Variants in CYTH3 observed in about 807,000 individuals in gnomAD.
The protein encoded by CYTH3 is cytohesin-3.
A neutral mutation model predicts 55.1 loss-of-function variants in CYTH3; 23 were observed. The observed-to-expected ratio is 0.42, with a 90% CI of 0.30 to 0.59. The LOEUF (loss-of-function observed/expected upper bound fraction) is 0.59. Among genes scored for constraint, CYTH3 ranks in the 20% least tolerant of loss-of-function variants. The pLI is 0.20. For synonymous variants in CYTH3, 249 were observed against 194.9 expected (o/e 1.28, Z -2.31); for missense variants, 413 against 524.8 (o/e 0.79, Z 2.08).
intron 1 of CYTH3, among the ~76,000 whole-genome samples, chr7:6,227,158 G>C (rs1473752274): frequency 2.0e-5 from 3 of 150,530 alleles, no homozygotes; most frequent in Admixed American, 1.3e-4. Flanking sequence ...TGATAGAAGA[G>C]GCTTTTTAAA....
At chr7:6,260,345 G>T (rs1314198144) in intron 1 of CYTH3, among the ~76,000 whole-genome samples, 4 of 152,040 alleles carry the variant, frequency 2.6e-5, no homozygotes, top group Admixed American at 2.6e-4. Flanking sequence ...ATTCTAACAT[G>T]CCTGATAGAA....
intron 4 of CYTH3, among the ~76,000 whole-genome samples, chr7:6,182,728 T>C (rs1783535536): frequency 6.6e-6 from 1 of 152,210 alleles, no homozygotes; most frequent in Non-Finnish European, 1.5e-5. Context: ...TAGGCTGGTT[T>C]TGAACTCCTG....
At chr7:6,206,905 T>C (rs1330926382) in intron 1 of CYTH3, among the ~76,000 whole-genome samples, 1 of 152,094 alleles carries the variant, frequency 6.6e-6, no homozygotes, top group Admixed American at 6.6e-5. Context: ...GGGAGACGAT[T>C]TTTTTCGTTT....
chr7:6,209,420 A>G (rs1784273386), intron 1 of CYTH3, among the ~76,000 whole-genome samples: 1 of 152,252 alleles, frequency 6.6e-6, no homozygotes, highest in Non-Finnish European at 1.5e-5. Context: ...AAAACAGAGT[A>G]AAATAAACAA....
intron 1 of CYTH3, 30 bp downstream of exon 1, chr7:6,272,444 C>T: frequency 2.2e-6 from 3 of 1,334,276 alleles, no homozygotes; most frequent in Non-Finnish European, 2.9e-6. Flanking sequence ...CCCAGGCCGC[C>T]GGCGAGCCCA....
intron 2 of CYTH3, among the ~76,000 whole-genome samples, chr7:6,190,113 G>C (rs1334991687): frequency 6.6e-6 from 1 of 152,158 alleles, no homozygotes; most frequent in African/African-American, 2.4e-5. Flanking sequence ...ATTTGACAGA[G>C]CAATGCGCTC....
intron 1 of CYTH3, among the ~76,000 whole-genome samples, chr7:6,213,961 C>A (rs1479333579): frequency 6.6e-6 from 1 of 152,134 alleles, no homozygotes; most frequent in Non-Finnish European, 1.5e-5. Flanking sequence ...TAGGAAGGCT[C>A]ATGGAGTGCA....
chr7:6,213,819 G>A (rs191131174), intron 1 of CYTH3, among the ~76,000 whole-genome samples: 10 of 152,090 alleles, frequency 6.6e-5, no homozygotes, highest in Non-Finnish European at 1.2e-4. Flanking sequence ...CATCACAGGG[G>A]CCCAGCCCAG....
intron 1 of CYTH3, 64 bp downstream of exon 1, chr7:6,272,410 G>GGGGGGGGGGGCCCCCCC: frequency 5.8e-6 from 7 of 1,216,604 alleles, no homozygotes; most frequent in South Asian, 2.0e-5. Flanking sequence ...CCGCGCCCTC[G>GGGGGGGGGGGCCCCCCC]ACCCCCAGCC....
chr7:6,201,458 T>C (rs991631994), intron 1 of CYTH3, among the ~76,000 whole-genome samples: 2 of 152,244 alleles, frequency 1.3e-5, no homozygotes, highest in Non-Finnish European at 2.9e-5. Context: ...TACCCAGCCT[T>C]CTTTGGATTA....
At chr7:6,226,127 A>T (rs1275134750) in intron 1 of CYTH3, among the ~76,000 whole-genome samples, 10 of 152,174 alleles carry the variant, frequency 6.6e-5, no homozygotes, top group Admixed American at 3.9e-4. Context: ...TGTGTTTTTT[A>T]AAAAAATTAA....
intron 1 of CYTH3, among the ~76,000 whole-genome samples, chr7:6,260,860 A>C (rs945665686): frequency 1.3e-5 from 2 of 152,136 alleles, no homozygotes; most frequent in Admixed American, 6.6e-5. Context: ...TCTCCTACCC[A>C]AATTAGTCTT....
intron 1 of CYTH3, among the ~76,000 whole-genome samples, chr7:6,192,249 C>G (rs1210849682): frequency 6.6e-6 from 1 of 152,174 alleles, no homozygotes; most frequent in East Asian, 1.9e-4. Flanking sequence ...GGATCTCACT[C>G]TGCTGGCCAG....
Position 6,173,636 on chromosome 7 carries a change from C to CAA in CYTH3, c.449+15_449+16dup. On this transcript the variant is annotated intron_variant, in intron 6 of 12. Coordinates refer to ENST00000350796, the MANE Select transcript of CYTH3 (RefSeq NM_004227.4). ...CCTTCCCCATCCACTCTACACCCAG[C>CAA]AAATGATCATACTTACCTTAAGGCT... 2 of 1,576,720 alleles carry CAA rather than the reference C, an allele frequency of 1.3e-6. No individual in the cohort carries two copies. The highest frequency in any genetic ancestry group is 3.3e-5 in the Admixed American group (2 of 59,942).
chr7:6,219,511 A>G (rs2128551069), intron 1 of CYTH3, among the ~76,000 whole-genome samples: 1 of 152,338 alleles, frequency 6.6e-6, no homozygotes, highest in South Asian at 2.1e-4. Context: ...TTTTGCTAGT[A>G]TGCTGGAAGA....
chr7:6,169,369 C>A lies in CYTH3; in HGVS notation c.823+1166G>T, dbSNP rs150325583. On this transcript the variant is annotated intron_variant, in intron 9 of 12. Coordinates refer to ENST00000350796, the MANE Select transcript of CYTH3 (RefSeq NM_004227.4). This position sits in a 1 kb window ranked among gnomAD's most constrained non-coding sequence, Gnocchi z 4.1. The stretch of plus-strand genomic sequence containing the variant: ...CCTAGTAGCTGGGACTACAGGCACA[C>A]ACCATCACGCCAGGCTAATTTTTTG... Among the ~76,000 whole-genome samples the A allele has an allele frequency of 4.3e-3, 662 of 152,238 alleles. 9 individuals carry two copies. The highest frequency in any genetic ancestry group is 0.015 in the African/African-American group (604 of 41,550).
At chr7:6,206,802 G>A (rs1784198027) in intron 1 of CYTH3, among the ~76,000 whole-genome samples, 1 of 152,108 alleles carries the variant, frequency 6.6e-6, no homozygotes, top group South Asian at 2.1e-4. Flanking sequence ...GAGTCAGGTG[G>A]CCTCACTGCC....
Position 6,169,362 on chromosome 7 carries a change from A to C in CYTH3, c.823+1173T>G, listed in dbSNP as rs1264130405. On this transcript the variant is annotated intron_variant, in intron 9 of 12. Coordinates refer to ENST00000350796, the MANE Select transcript of CYTH3 (RefSeq NM_004227.4). The surrounding 1 kb of genome is among the most constrained non-coding windows in gnomAD (Gnocchi z 4.1). ...CAGCCTCCCTAGTAGCTGGGACTAC[A>C]GGCACACACCATCACGCCAGGCTAA... 6.6e-6 allele frequency among the ~76,000 whole-genome samples: 1 copy of C among 152,134 alleles called. No individual in the cohort carries two copies. The highest frequency in any genetic ancestry group is 2.4e-5 in the African/African-American group (1 of 41,432).
At position 6,162,782 on chromosome 7, in the gene CYTH3, T is replaced by C. The variant is rs3750065; in HGVS notation, c.*2162A>G. ...CATCTGGCGACTCCTTCCTGCTGCTTCTCCCAACACCCAAAACAGAAAGCT... is the reference window on the plus strand; with the variant it reads ...CATCTGGCGACTCCTTCCTGCTGCTCCTCCCAACACCCAAAACAGAAAGCT... On this transcript the variant is annotated 3_prime_UTR_variant, in exon 13 of 13. Coordinates refer to ENST00000350796, the MANE Select transcript of CYTH3 (RefSeq NM_004227.4). 11,067 of 152,500 alleles carry C rather than the reference T, an allele frequency of 0.073. 921 individuals are homozygous for C. Among genetic ancestry groups the C allele is most frequent in the East Asian group, 0.4 (2,074 of 5,166 alleles). 9.4% of individuals were successfully genotyped at this position (152,500 alleles called of 1,614,324 possible). A position where few individuals can be genotyped will look rare whatever the true frequency, so the allele number is the denominator to read the frequency against.
Sources: allele counts gnomAD v4.1 joint callset (sites outside exome capture counted in the v4.1 genomes callset), GRCh38; gene constraint gnomAD v4.1.1; non-coding constraint Gnocchi (gnomAD v3.1); transcripts MANE v1.5; gene names NCBI Gene and HGNC (gene_info 2026-07-23, HGNC 2026-07-21).